Variants in CUX1 observed in about 807,000 individuals in gnomAD.
CUX1 encodes the protein cut like homeobox 1.
A neutral mutation model predicts 158.8 loss-of-function variants in CUX1; 31 were observed. The observed-to-expected ratio is 0.20, with a 90% CI of 0.15 to 0.26. The LOEUF (loss-of-function observed/expected upper bound fraction) is 0.26. Ranked by LOEUF, CUX1 falls within the 10% of genes least tolerant of loss-of-function variation. CUX1 has a pLI of 1.00. For missense variants in CUX1, 1,589 were observed against 2,014.6 expected (o/e 0.79, Z 4.04); for synonymous variants, 879 against 862.1 (o/e 1.02, Z -0.34).
chr7:102,254,018 A>T lies in CUX1; in HGVS notation c.*4976A>T. On this transcript the variant is annotated 3_prime_UTR_variant, in exon 24 of 24. Coordinates refer to ENST00000292535, the MANE Select transcript of CUX1 (RefSeq NM_181552.4). ...GGCACGTGGGCTGGAGAGAGCAGAA[A>T]AGCTGCCAGCGCAGCAGACACGAAC... is the stretch of plus-strand genomic sequence containing the variant. 1.0e-6 allele frequency: 1 copy of T among 985,474 alleles called. No individual in the cohort carries two copies. The highest frequency in any genetic ancestry group is 1.2e-6 in the Non-Finnish European group (1 of 829,958). The allele number at this position is 985,474 out of a possible 1,614,324, so 61.0% of individuals were successfully genotyped here.
intron 1 of CUX1, among the ~76,000 whole-genome samples, chr7:101,902,530 A>C (rs1802267537): frequency 6.6e-6 from 1 of 152,192 alleles, no homozygotes; most frequent in South Asian, 2.1e-4. Context: ...GCCACTGGCT[A>C]CCATTTTGGA....
intron 3 of CUX1, among the ~76,000 whole-genome samples, chr7:102,052,411 T>C (rs1490658427): frequency 6.6e-6 from 1 of 152,232 alleles, no homozygotes. Context: ...CCGGCTTCTT[T>C]TACTTAACCA....
At chr7:102,014,043 T>A (rs1391629991) in intron 2 of CUX1, among the ~76,000 whole-genome samples, 1 of 152,070 alleles carries the variant, frequency 6.6e-6, no homozygotes. Context: ...AAGGTGCAAT[T>A]TGTGGCTCCA....
chr7:102,220,587 G>T (rs782060957), intron 20 of CUX1, among the ~76,000 whole-genome samples: 1 of 152,094 alleles, frequency 6.6e-6, no homozygotes, highest in African/African-American at 2.4e-5. Flanking sequence ...AGCACCGGTC[G>T]CTGGAAAGGC....
chr7:101,821,978 C>T (rs1297008150), intron 1 of CUX1, among the ~76,000 whole-genome samples: 2 of 151,400 alleles, frequency 1.3e-5, no homozygotes, highest in Non-Finnish European at 2.9e-5. Flanking sequence ...CCTCAGCCTC[C>T]GGAGTAGCTG....
chr7:101,866,509 G>A (rs142707735), intron 1 of CUX1, among the ~76,000 whole-genome samples: 41 of 152,114 alleles, frequency 2.7e-4, no homozygotes, highest in African/African-American at 9.4e-4. Flanking sequence ...GCACTTGCCT[G>A]TAGTACCAGC....
At chr7:102,013,956 CA>C (rs904472602) in intron 2 of CUX1, among the ~76,000 whole-genome samples, 2 of 152,188 alleles carry the variant, frequency 1.3e-5, no homozygotes, top group Non-Finnish European at 2.9e-5. Flanking sequence ...CCTCCCACCT[CA>C]GCCTCCCAAA....
chr7:102,248,680 GC>G lies in CUX1; in HGVS notation c.4159del (p.Arg1387AlafsTer98). ...CTCGGGGACCCCGGGCCCGGACGAC[GC>G]CCGCGACGACGACCACGAGGGAGGC... ...PPSGTPGPDDARDDDHEGGPV... is the reference protein window; with the variant it reads ...PPSGTPGPDDXRDDDHEGGPV... On this transcript the variant is annotated frameshift_variant, in exon 24 of 24. Coordinates refer to ENST00000292535, the MANE Select transcript of CUX1 (RefSeq NM_181552.4). LOFTEE classifies it low-confidence loss of function (END_TRUNC). The surrounding 1 kb of genome is among the most constrained non-coding windows in gnomAD (Gnocchi z 5.8). The G allele has an allele frequency of 7.7e-7, 1 of 1,294,220 alleles. No individual in the cohort carries two copies. 80.2% of individuals were successfully genotyped at this position (1,294,220 alleles called of 1,614,324 possible).
intron 23 of CUX1, among the ~76,000 whole-genome samples, chr7:102,245,719 C>T (rs1800734909): frequency 6.6e-6 from 1 of 152,154 alleles, no homozygotes; most frequent in Admixed American, 6.5e-5. Context: ...CCCCTGTAAT[C>T]CCAGCACTTT....
chr7:101,950,547 T>A (rs758974876), intron 2 of CUX1, among the ~76,000 whole-genome samples: 3 of 152,160 alleles, frequency 2.0e-5, no homozygotes, highest in Non-Finnish European at 4.4e-5. Flanking sequence ...CTCCAGAACT[T>A]TTTCATCATT....
rs58898252 is a variant in CUX1, at chr7:101,899,115, A to G, written c.31-17000A>G. ...AGTTGCTTCCTGTTGCTGCATGGGC[A>G]GTGTTCTGGGGTCCAGACCCTGGGT... On this transcript the variant is annotated intron_variant, in intron 1 of 23. Coordinates refer to ENST00000292535, the MANE Select transcript of CUX1 (RefSeq NM_181552.4). Among the ~76,000 whole-genome samples, 887 of 152,310 alleles carry G rather than the reference A, an allele frequency of 5.8e-3. 11 individuals are homozygous for G. The highest frequency in any genetic ancestry group is 0.02 in the African/African-American group (830 of 41,578).
At chr7:102,191,216 AACTT>A (rs1380349451) in intron 12 of CUX1, among the ~76,000 whole-genome samples, 49 of 152,214 alleles carry the variant, frequency 3.2e-4, no homozygotes, top group African/African-American at 1.1e-3. Context: ...CAGCCTCTGT[AACTT>A]ACTTACTTGC....
At chr7:102,080,276 C>T (rs1827229398) in intron 4 of CUX1, among the ~76,000 whole-genome samples, 1 of 152,208 alleles carries the variant, frequency 6.6e-6, no homozygotes, top group South Asian at 2.1e-4. Flanking sequence ...TTGTGCCCCG[C>T]TTTGCCATGA....
chr7:102,025,408 G>A (rs1175648116), intron 2 of CUX1, among the ~76,000 whole-genome samples: 5 of 152,096 alleles, frequency 3.3e-5, no homozygotes, highest in East Asian at 1.9e-4. Context: ...CAGGCATATC[G>A]CTTGAACCTG....
chr7:102,067,957 G>A (rs933579825), intron 3 of CUX1, among the ~76,000 whole-genome samples: 1 of 151,838 alleles, frequency 6.6e-6, no homozygotes, highest in Non-Finnish European at 1.5e-5. Flanking sequence ...GGAGGTGGAG[G>A]CTGCAGTGAG....
intron 2 of CUX1, among the ~76,000 whole-genome samples, chr7:101,943,555 T>C: frequency 6.6e-6 from 1 of 151,996 alleles, no homozygotes; most frequent in East Asian, 1.9e-4. Flanking sequence ...TCAAATGGGC[T>C]CTTTTCAGTA....
At chr7:102,195,909 T>C (rs782004991) in intron 14 of CUX1, among the ~76,000 whole-genome samples, 10 of 152,164 alleles carry the variant, frequency 6.6e-5, no homozygotes, top group Non-Finnish European at 1.0e-4. Flanking sequence ...TTCTGATCTG[T>C]GTCTGGTTGT....
At chr7:102,193,936 C>T (rs1436222142) in intron 13 of CUX1, 46 bp downstream of exon 13, 5 of 1,567,698 alleles carry the variant, frequency 3.2e-6, no homozygotes, top group Non-Finnish European at 4.4e-6. Flanking sequence ...AGCCCCGCTG[C>T]TGGTTACCAC....
At chr7:101,822,683 T>C (rs974777787) in intron 1 of CUX1, among the ~76,000 whole-genome samples, 4 of 152,082 alleles carry the variant, frequency 2.6e-5, no homozygotes, top group Non-Finnish European at 5.9e-5. Context: ...GGCAGATCAC[T>C]TGAGGTCAGA....
Sources: gnomAD v4.1 joint callset for allele counts (sites outside exome capture counted in the v4.1 genomes callset) on GRCh38, gnomAD v4.1.1 for gene constraint, Gnocchi (gnomAD v3.1) non-coding constraint, MANE v1.5 for transcripts, NCBI Gene and HGNC (gene_info 2026-07-23, HGNC 2026-07-21) for gene names.